GALNTL6: variants seen among roughly 807,000 people sequenced by gnomAD.
GALNTL6 encodes the protein polypeptide N-acetylgalactosaminyltransferase like 6.
Under a neutral mutation model 73.7 loss-of-function variants are expected in GALNTL6, and 46 were observed. That is an observed-to-expected ratio of 0.62 (90% CI 0.49 to 0.80). The LOEUF (loss-of-function observed/expected upper bound fraction) is 0.80. Ranked by LOEUF, GALNTL6 falls within the 30% of genes least tolerant of loss-of-function variation. The probability of loss-of-function intolerance (pLI) is 0.00; values close to 1 mark genes in which losing one functional copy is unlikely to be tolerated. For synonymous variants in GALNTL6, 259 were observed against 263.7 expected (o/e 0.98, Z 0.17); for missense variants, 604 against 755.0 (o/e 0.80, Z 2.34).
At chr4:172,000,462 T>C (rs1404676143) in intron 2 of GALNTL6, among the ~76,000 whole-genome samples, 1 of 152,078 alleles carries the variant, frequency 6.6e-6, no homozygotes, top group Non-Finnish European at 1.5e-5. Flanking sequence ...GGGTTAAGCA[T>C]TGCCTTTGGT....
intron 2 of GALNTL6, among the ~76,000 whole-genome samples, chr4:171,990,660 A>G (rs1006087196): frequency 1.3e-5 from 2 of 152,184 alleles, no homozygotes; most frequent in African/African-American, 4.8e-5. Flanking sequence ...TTCTAGGTTA[A>G]TGGGTGGATG....
chr4:172,611,439 T>G (rs1738523657), intron 5 of GALNTL6, among the ~76,000 whole-genome samples: 1 of 152,110 alleles, frequency 6.6e-6, no homozygotes, highest in African/African-American at 2.4e-5. Context: ...AAGCTTAGTT[T>G]GGCTGGATAT....
chr4:171,987,437 C>G (rs1027359009), intron 2 of GALNTL6, among the ~76,000 whole-genome samples: 1 of 152,102 alleles, frequency 6.6e-6, no homozygotes, highest in African/African-American at 2.4e-5. Flanking sequence ...ACTGCGGTGG[C>G]CTTCTCAGAC....
intron 2 of GALNTL6, among the ~76,000 whole-genome samples, chr4:171,966,320 G>A (rs1739379984): frequency 6.6e-6 from 1 of 152,194 alleles, no homozygotes. Flanking sequence ...ATTCTAGTGT[G>A]CCAAGTGGAG....
At chr4:172,453,085 C>T (rs1732268655) in intron 5 of GALNTL6, among the ~76,000 whole-genome samples, 1 of 152,208 alleles carries the variant, frequency 6.6e-6, no homozygotes, top group Admixed American at 6.5e-5. Flanking sequence ...CCTGTAGTCC[C>T]AGCTACTCCG....
At chr4:172,407,065 T>A (rs905797813) in intron 5 of GALNTL6, among the ~76,000 whole-genome samples, 2 of 152,064 alleles carry the variant, frequency 1.3e-5, no homozygotes, top group Non-Finnish European at 2.9e-5. Context: ...TATTATTACA[T>A]CTCTTACAGC....
chr4:172,646,177 T>G (rs1740233655), intron 5 of GALNTL6, among the ~76,000 whole-genome samples: 1 of 152,048 alleles, frequency 6.6e-6, no homozygotes, highest in African/African-American at 2.4e-5. Context: ...GATTGTCAGG[T>G]CCATTCTAGG....
chr4:172,414,639 G>A (rs777704835), intron 5 of GALNTL6, among the ~76,000 whole-genome samples: 9 of 152,056 alleles, frequency 5.9e-5, no homozygotes, highest in Non-Finnish European at 1.2e-4. Context: ...AAAAACAATC[G>A]CATTTTTAAA....
chr4:172,770,682 A>C lies in GALNTL6; in HGVS notation c.554-38679A>C, dbSNP rs574793662. On this transcript the variant is annotated intron_variant, in intron 5 of 12. Coordinates refer to ENST00000506823, the MANE Select transcript of GALNTL6 (RefSeq NM_001034845.3). Reference sequence around the variant, plus strand: ...GGTGTATTTATTTACCATGTACTTAATTGACTTTTATGCTGAATATACATA... The same window carrying C: ...GGTGTATTTATTTACCATGTACTTACTTGACTTTTATGCTGAATATACATA... 2.0e-5 allele frequency among the ~76,000 whole-genome samples: 3 copies of C among 152,318 alleles called. No homozygotes were observed. In the South Asian group the frequency reaches 6.2e-4, roughly 32 times the overall value.
chr4:172,231,931 A>G lies in GALNTL6; in HGVS notation c.247+2167A>G, dbSNP rs577404754. Among the ~76,000 whole-genome samples the G allele has an allele frequency of 4.6e-5, 7 of 152,268 alleles. No homozygotes were observed. The South Asian group carries it at 1.4e-3, about 32-fold the overall frequency. ...TGCTATGACCAAGGGAAAATTGATC[A>G]CAAAAGAAATTGGTAATATCACAAG... On this transcript the variant is annotated intron_variant, in intron 3 of 12. Coordinates refer to ENST00000506823, the MANE Select transcript of GALNTL6 (RefSeq NM_001034845.3).
intron 5 of GALNTL6, among the ~76,000 whole-genome samples, chr4:172,412,464 G>A (rs1002628099): frequency 2.0e-5 from 3 of 152,164 alleles, no homozygotes; most frequent in Non-Finnish European, 4.4e-5. Flanking sequence ...GCAGGGCTGT[G>A]TATCAGAATC....
intron 2 of GALNTL6, among the ~76,000 whole-genome samples, chr4:172,156,815 G>A (rs1418749120): frequency 6.6e-6 from 1 of 151,648 alleles, no homozygotes; most frequent in Non-Finnish European, 1.5e-5. Flanking sequence ...TCATTGGGAA[G>A]GATGGAAGCT....
intron 10 of GALNTL6, among the ~76,000 whole-genome samples, chr4:172,995,976 TTTATGAAATC>T (rs1182576343): frequency 2.6e-5 from 4 of 152,226 alleles, no homozygotes; most frequent in Non-Finnish European, 5.9e-5. Context: ...TTTCCTTGAC[TTTATGAAATC>T]ACAGCACAAA....
chr4:172,239,970 T>G (rs1737365604), intron 3 of GALNTL6, among the ~76,000 whole-genome samples: 1 of 152,192 alleles, frequency 6.6e-6, no homozygotes, highest in African/African-American at 2.4e-5. Flanking sequence ...GACCTGCTCC[T>G]TCTCTTTAGC....
chr4:171,903,184 G>A (rs7662535), intron 2 of GALNTL6, among the ~76,000 whole-genome samples: 38,743 of 152,046 alleles, frequency 0.25, 5,112 homozygotes, highest in Middle Eastern at 0.35. Flanking sequence ...AGCTCCCAGC[G>A]TGAGCGACAC....
chr4:172,516,671 T>G (rs1734617547), intron 5 of GALNTL6, among the ~76,000 whole-genome samples: 1 of 152,180 alleles, frequency 6.6e-6, no homozygotes, highest in African/African-American at 2.4e-5. Context: ...ACTAGCAATT[T>G]TACTTCTATG....
At chr4:171,924,183 T>TACACACAC (rs371649848) in intron 2 of GALNTL6, among the ~76,000 whole-genome samples, 82 of 142,560 alleles carry the variant, frequency 5.8e-4, no homozygotes, top group East Asian at 1.5e-3. Flanking sequence ...ACCACACACA[T>TACACACAC]ACACACACAC....
chr4:171,967,450 T>TTTTTTTG (rs10634189), intron 2 of GALNTL6, among the ~76,000 whole-genome samples: 3 of 133,364 alleles, frequency 2.2e-5, no homozygotes, highest in African/African-American at 6.6e-5. Flanking sequence ...CCTATGGGTT[T>TTTTTTTG]TTTTTTTTTT....
chr4:172,245,383 G>A (rs536703754), intron 3 of GALNTL6, among the ~76,000 whole-genome samples: 1 of 152,106 alleles, frequency 6.6e-6, no homozygotes, highest in Non-Finnish European at 1.5e-5. Flanking sequence ...AGACTTGATG[G>A]GAGGAGTTAA....
Sources: allele counts gnomAD v4.1 joint callset (sites outside exome capture counted in the v4.1 genomes callset), GRCh38; gene constraint gnomAD v4.1.1; transcripts MANE v1.5; gene names NCBI Gene and HGNC (gene_info 2026-07-23, HGNC 2026-07-21).